FRY: variants seen among roughly 807,000 people sequenced by gnomAD.
The protein encoded by FRY is protein furry homolog.
Under a neutral mutation model 348.4 loss-of-function variants are expected in FRY, and 128 were observed. The ratio of observed to expected loss-of-function variants is 0.37; its 90% CI spans 0.32 to 0.43. The LOEUF is 0.43. Among genes scored for constraint, FRY ranks in the 20% least tolerant of loss-of-function variants. The pLI is 1.00. For missense variants in FRY, 2,736 were observed against 3,695.2 expected (o/e 0.74, Z 6.73); for synonymous variants, 1,370 against 1,374.7 (o/e 1.00, Z 0.08).
chr13:32,113,092 A>G (rs546761018), intron 3 of FRY, among the ~76,000 whole-genome samples: 3 of 152,372 alleles, frequency 2.0e-5, no homozygotes, highest in Admixed American at 2.0e-4. Flanking sequence ...GTCGTTACTC[A>G]TCAAATACTA....
intron 2 of FRY, among the ~76,000 whole-genome samples, chr13:32,095,971 CT>C (rs1876676977): frequency 6.6e-6 from 1 of 151,668 alleles, no homozygotes. Flanking sequence ...CCTTTCTTCC[CT>C]TTTATTCCCT....
intron 10 of FRY, among the ~76,000 whole-genome samples, chr13:32,136,556 A>C (rs1462403102): frequency 1.3e-5 from 2 of 152,188 alleles, no homozygotes; most frequent in Non-Finnish European, 2.9e-5. Flanking sequence ...TAAGATGGTA[A>C]GTTTGTTTTT....
intron 1 of FRY, among the ~76,000 whole-genome samples, chr13:32,046,066 A>G (rs774369154): frequency 7.9e-5 from 12 of 152,316 alleles, no homozygotes; most frequent in Middle Eastern, 3.4e-3. Context: ...AACTGGCCCA[A>G]TGAGCTCTTT....
Position 32,296,344 on chromosome 13 carries a change from T to C in FRY, c.*884T>C, listed in dbSNP as rs985561563. On this transcript the variant is annotated 3_prime_UTR_variant, in exon 61 of 61. Transcript: ENST00000542859. ...ATGCATATTTTAATATCTGTTTGGA[T>C]AGTCAGAAGTAGAATCATAAAGGTA... 6.6e-6 allele frequency: 1 copy of C among 152,656 alleles called. No homozygotes were observed. The highest frequency in any genetic ancestry group is 6.5e-5 in the Admixed American group (1 of 15,284). The allele number at this position is 152,656 out of a possible 1,614,324, so 9.5% of individuals were successfully genotyped here.
rs1334702520 is a variant in FRY, at chr13:32,297,876, C to G, written c.*2416C>G. On this transcript the variant is annotated 3_prime_UTR_variant, in exon 61 of 61. Coordinates refer to ENST00000542859, the MANE Select transcript of FRY (RefSeq NM_023037.3). The stretch of plus-strand genomic sequence containing the variant: ...TGCCTCAGTGATAAGAAAGATGCCT[C>G]CTTGTGTCTCACTGTTTTCTAGCAC... The G allele has an allele frequency of 6.6e-6, 1 of 152,194 alleles. No homozygotes were observed. The highest frequency in any genetic ancestry group is 1.5e-5 in the Non-Finnish European group (1 of 68,038). The allele number at this position is 152,194 out of a possible 1,614,324, so 9.4% of individuals were successfully genotyped here. A position where few individuals can be genotyped will look rare whatever the true frequency, so the allele number is the denominator to read the frequency against.
chr13:32,058,617 AT>A (rs1416106189), intron 1 of FRY, among the ~76,000 whole-genome samples: 1 of 152,110 alleles, frequency 6.6e-6, no homozygotes, highest in African/African-American at 2.4e-5. Context: ...CCTGTCCATG[AT>A]TTTTTGCTTT....
In FRY at chr13:32,182,983, G is replaced by A. The variant is rs781314565; in HGVS notation, c.3003G>A (p.Leu1001=). The A allele has an allele frequency of 1.2e-6, 2 of 1,600,088 alleles. No homozygotes were observed. Among genetic ancestry groups the A allele is most frequent in the Non-Finnish European group, 1.7e-6 (2 of 1,167,966 alleles). ...GRTNSLVFRE[L]VEELHPLMKE... ...TGACCTTTTTCCTCCACAGAGAATT[G>A]GTAGAAGAACTTCATCCATTAATGA... Residue 1001 remains leucine (L), a synonymous_variant, in exon 24 of 61, where the codon TTG becomes TTA. Transcript: ENST00000542859.
intron 11 of FRY, among the ~76,000 whole-genome samples, chr13:32,145,544 T>TG (rs1256749764): frequency 1.4e-4 from 20 of 145,414 alleles, no homozygotes; most frequent in African/African-American, 4.1e-4. Context: ...TTTTTTTTTT[T>TG]TTTTTTTTTT....
At chr13:32,224,907 A>C in intron 37 of FRY, 26 bp from the exon 38 acceptor site, 1 of 1,319,298 alleles carries the variant, frequency 7.6e-7, no homozygotes. Flanking sequence ...CAGAAGTTGC[A>C]TTAATTTCAT....
intron 30 of FRY, 84 bp from the exon 31 acceptor site, chr13:32,202,272 C>T: frequency 9.0e-7 from 1 of 1,106,068 alleles, no homozygotes; most frequent in Non-Finnish European, 1.4e-6. Flanking sequence ...TTTGTTACTT[C>T]TAACCTTTGT....
intron 47 of FRY, 30 bp downstream of exon 47, chr13:32,244,212 C>A: frequency 6.2e-7 from 1 of 1,603,096 alleles, no homozygotes; most frequent in Non-Finnish European, 8.5e-7. Context: ...CACTAAGCAA[C>A]CAGTCGTTCT....
chr13:32,113,015 G>GA (rs71655183), intron 3 of FRY, among the ~76,000 whole-genome samples: 2 of 151,764 alleles, frequency 1.3e-5, no homozygotes, highest in Admixed American at 6.6e-5. Flanking sequence ...TAACTTGAAT[G>GA]AAAAAAAATA....
chr13:32,127,752 C>T (rs1879114543), intron 7 of FRY, among the ~76,000 whole-genome samples: 1 of 151,884 alleles, frequency 6.6e-6, no homozygotes, highest in Non-Finnish European at 1.5e-5. Context: ...ACACTCCAGC[C>T]TGGGTGACAG....
At chr13:32,056,433 T>C (rs1365886463) in intron 1 of FRY, among the ~76,000 whole-genome samples, 1 of 152,206 alleles carries the variant, frequency 6.6e-6, no homozygotes, top group Non-Finnish European at 1.5e-5. Flanking sequence ...TTGCTGGATA[T>C]GTCTTTAGGT....
intron 11 of FRY, among the ~76,000 whole-genome samples, chr13:32,142,698 T>C (rs975080551): frequency 6.6e-6 from 1 of 152,254 alleles, no homozygotes; most frequent in African/African-American, 2.4e-5. Context: ...GTCTTTCATA[T>C]AGGTCCTGTA....
intron 17 of FRY, among the ~76,000 whole-genome samples, chr13:32,167,583 G>C (rs542831232): frequency 6.6e-6 from 1 of 152,220 alleles, no homozygotes; most frequent in East Asian, 1.9e-4. Context: ...TTCCAAATAA[G>C]GTCACATTCT....
chr13:32,259,128 A>G (rs552997335), intron 51 of FRY, among the ~76,000 whole-genome samples: 1 of 152,328 alleles, frequency 6.6e-6, no homozygotes, highest in African/African-American at 2.4e-5. Flanking sequence ...CATGTAGGAA[A>G]CTGCTTTGAC....
At chr13:32,176,188 C>G (rs954606643) in intron 20 of FRY, among the ~76,000 whole-genome samples, 2 of 152,196 alleles carry the variant, frequency 1.3e-5, no homozygotes, top group Non-Finnish European at 2.9e-5. Context: ...CAAATACATT[C>G]TTCCTTTTTA....
At chr13:32,041,164 A>G (rs564784436) in intron 1 of FRY, among the ~76,000 whole-genome samples, 3 of 151,904 alleles carry the variant, frequency 2.0e-5, no homozygotes, top group African/African-American at 7.3e-5. Context: ...TTCAACTTTT[A>G]GTTTATGAAC....
Sources: allele counts gnomAD v4.1 joint callset (sites outside exome capture counted in the v4.1 genomes callset), GRCh38; gene constraint gnomAD v4.1.1; transcripts MANE v1.5; gene names NCBI Gene and HGNC (gene_info 2026-07-23, HGNC 2026-07-21).